The following MBNL1 variants were observed in gnomAD, a reference collection of about 807,000 sequenced individuals.
MBNL1 encodes muscleblind like splicing regulator 1, also known as muscleblind-like protein 1.
In MBNL1, 8 loss-of-function variants were observed where a neutral mutation model predicts 42.2. The observed-to-expected ratio is 0.19, with a 90% CI of 0.11 to 0.34. The LOEUF is 0.34. Ranked by LOEUF, MBNL1 falls within the 10% of genes least tolerant of loss-of-function variation. The pLI, the probability that MBNL1 is intolerant of heterozygous loss-of-function variation, is 1.00. For synonymous variants in MBNL1, 169 were observed against 173.9 expected (o/e 0.97, Z 0.22); for missense variants, 309 against 495.3 (o/e 0.62, Z 3.57).
intron 2 of MBNL1, among the ~76,000 whole-genome samples, chr3:152,310,862 G>A (rs2065965466): frequency 6.6e-6 from 1 of 152,006 alleles, no homozygotes; most frequent in African/African-American, 2.4e-5. Context: ...AGGATTTCAA[G>A]ATAAAGCTTG....
intron 2 of MBNL1, among the ~76,000 whole-genome samples, chr3:152,354,237 T>C (rs905564044): frequency 6.6e-6 from 1 of 152,202 alleles, no homozygotes; most frequent in Admixed American, 6.5e-5. Context: ...GAAGGATTAC[T>C]TGAGCCCAGG....
chr3:152,300,516 G>T, intron 2 of MBNL1, 149 bp downstream of exon 2: 1 of 583,418 alleles, frequency 1.7e-6, no homozygotes, highest in Non-Finnish European at 2.7e-6. Context: ...GGAACTTTAC[G>T]AGAAGCAGTA....
At chr3:152,292,446 A>T (rs1329507272) in intron 1 of MBNL1, among the ~76,000 whole-genome samples, 1 of 152,174 alleles carries the variant, frequency 6.6e-6, no homozygotes, top group African/African-American at 2.4e-5. Flanking sequence ...CCACTAGGTG[A>T]TTTAGGGAAC....
In MBNL1 at chr3:152,445,329, T is replaced by C. The variant is rs1230550250; in HGVS notation, c.597T>C (p.Asp199=). The change falls in exon 5 of 10, where the codon GAT becomes GAC. Residue 199 remains aspartate (D), a synonymous_variant. Transcript: ENST00000324210. The part of the protein sequence containing the change: ...QRGNCNRGEN[D]CRFAHPADST... ...GCAATTGCAACCGAGGAGAAAATGA[T>C]TGTCGGTTTGCTCATCCTGCTGACA... 6.2e-7 allele frequency: 1 copy of C among 1,614,096 alleles called. No homozygotes were observed. Among genetic ancestry groups the C allele is most frequent in the Non-Finnish European group, 8.5e-7 (1 of 1,179,958 alleles).
intron 2 of MBNL1, among the ~76,000 whole-genome samples, chr3:152,400,693 C>T (rs1008867634): frequency 6.6e-6 from 1 of 151,990 alleles, no homozygotes; most frequent in African/African-American, 2.4e-5. Flanking sequence ...GATTATATGC[C>T]CAAGGGAACA....
chr3:152,314,828 A>G (rs2069625223), intron 2 of MBNL1, among the ~76,000 whole-genome samples: 1 of 152,192 alleles, frequency 6.6e-6, no homozygotes, highest in African/African-American at 2.4e-5. Context: ...CTTTTCAGAA[A>G]TAATACAGCC....
intron 6 of MBNL1, among the ~76,000 whole-genome samples, chr3:152,448,222 A>G (rs1284828694): frequency 6.6e-6 from 1 of 152,172 alleles, no homozygotes; most frequent in Admixed American, 6.5e-5. Flanking sequence ...GAAAACAACT[A>G]TGCGTTCTAG....
upstream of MBNL1, chr3:152,265,748 T>C (rs977969413): frequency 6.6e-6 from 1 of 152,214 alleles, no homozygotes; most frequent in Non-Finnish European, 1.5e-5. Flanking sequence ...ATGTAGTTTA[T>C]TTCATCTGAA....
chr3:152,322,743 C>T (rs541324341), intron 2 of MBNL1, among the ~76,000 whole-genome samples: 9 of 151,942 alleles, frequency 5.9e-5, no homozygotes, highest in Admixed American at 1.3e-4. Context: ...ATTTTTTAAG[C>T]GCTAAGAGTA....
intron 1 of MBNL1, among the ~76,000 whole-genome samples, chr3:152,298,690 T>G (rs976522215): frequency 6.6e-6 from 1 of 152,212 alleles, no homozygotes; most frequent in African/African-American, 2.4e-5. Context: ...TGGAATAGTT[T>G]TACAGTATGA....
At chr3:152,338,027 CAAG>C in intron 2 of MBNL1, 1 of 892,458 alleles carries the variant, frequency 1.1e-6, no homozygotes, top group Non-Finnish European at 1.3e-6. Context: ...ATTGCGATGA[CAAG>C]ATATAATAAT....
upstream of MBNL1, chr3:152,264,372 A>T (rs556152830): frequency 2.0e-5 from 3 of 152,246 alleles, no homozygotes; most frequent in Admixed American, 6.5e-5. Flanking sequence ...AGAATAAAAG[A>T]AGGAAAAAAT....
chr3:152,389,725 T>C (rs1373800929), intron 2 of MBNL1, among the ~76,000 whole-genome samples: 1 of 152,148 alleles, frequency 6.6e-6, no homozygotes, highest in Non-Finnish European at 1.5e-5. Context: ...GACTGGAAGT[T>C]GTTCTGGATG....
At chr3:152,372,148 C>T (rs1442868624) in intron 2 of MBNL1, among the ~76,000 whole-genome samples, 1 of 152,148 alleles carries the variant, frequency 6.6e-6, no homozygotes, top group African/African-American at 2.4e-5. Flanking sequence ...TTTTCAGCTC[C>T]ATCAGGTCAT....
At chr3:152,267,571 T>G (rs1230868727), upstream of MBNL1, 1 of 152,218 alleles carries the variant, frequency 6.6e-6, no homozygotes, top group Non-Finnish European at 1.5e-5. Context: ...CCATCCCTGT[T>G]CTCTGAGAAA....
intron 2 of MBNL1, among the ~76,000 whole-genome samples, chr3:152,252,894 C>T (rs1284843528): frequency 1.3e-5 from 2 of 152,056 alleles, no homozygotes; most frequent in African/African-American, 4.8e-5. Flanking sequence ...CTATATTCTA[C>T]TCCAGTATTC....
intron 2 of MBNL1, among the ~76,000 whole-genome samples, chr3:152,331,762 A>G (rs1231726912): frequency 6.6e-6 from 1 of 152,054 alleles, no homozygotes; most frequent in African/African-American, 2.4e-5. Flanking sequence ...CAGTGGCATG[A>G]TCTCAGCAAC....
chr3:152,245,521 A>G (rs2032724961), intron 2 of MBNL1, among the ~76,000 whole-genome samples: 1 of 152,198 alleles, frequency 6.6e-6, no homozygotes, highest in African/African-American at 2.4e-5. Context: ...TAAATATCCC[A>G]AGATGTATTT....
intron 2 of MBNL1, among the ~76,000 whole-genome samples, chr3:152,261,999 T>C (rs2149510412): frequency 6.6e-6 from 1 of 152,180 alleles, no homozygotes; most frequent in South Asian, 2.1e-4. Flanking sequence ...AACTGAATGG[T>C]TTCATTTGCT....
Sources: gnomAD v4.1 joint callset for allele counts (sites outside exome capture counted in the v4.1 genomes callset) on GRCh38, gnomAD v4.1.1 for gene constraint, MANE v1.5 for transcripts, NCBI Gene and HGNC (gene_info 2026-07-23, HGNC 2026-07-21) for gene names.